Variants in PCDH11Y observed in about 807,000 individuals in gnomAD.
PCDH11Y encodes the protein protocadherin 11 Y-linked.
For synonymous variants in PCDH11Y, 9 were observed against 83.6 expected, an observed-to-expected ratio of 0.11 and a Z score of 4.87; for missense variants, 12 against 224.8, an observed-to-expected ratio of 0.05 and a Z score of 6.05.
rs2124711604 is a variant in PCDH11Y at position 5,698,821 on chromosome Y, G to T, written c.3353-38451G>T. On this transcript the variant is annotated intron_variant, in intron 4 of 4. Coordinates refer to the PCDH11Y transcript ENST00000400457. ...TCTGAAACCTACTTCTGTCAGTTCA[G>T]CCATCTCAGCCTCAGTCCAGTTCTG... 9.0e-5 allele frequency among the ~76,000 whole-genome samples: 3 copies of T among 33,480 alleles called. No homozygotes were observed. In the South Asian group the frequency reaches 2.0e-3, roughly 22 times the overall value. The allele number at this position is 33,480 out of a possible 37,273, so 89.8% of individuals were successfully genotyped here.
At chrY:5,137,085 G>A in intron 2 of PCDH11Y, among the ~76,000 whole-genome samples, 3 of 32,161 alleles carry the variant, frequency 9.3e-5, no homozygotes. Flanking sequence ...AAAAGCATCA[G>A]ATCACCTATA....
intron 2 of PCDH11Y, among the ~76,000 whole-genome samples, chrY:5,143,306 T>G: frequency 1.2e-4 from 4 of 33,686 alleles, no homozygotes; most frequent in Non-Finnish European, 3.0e-4. Context: ...AAATGAAGTT[T>G]AGGTTTGATA....
At chrY:5,016,377 A>G in intron 1 of PCDH11Y, among the ~76,000 whole-genome samples, 2 of 31,980 alleles carry the variant, frequency 6.3e-5, no homozygotes, top group South Asian at 1.4e-3. Context: ...CTTTCACCAC[A>G]GTAAAAGGGC....
At chrY:5,322,744 A>T in intron 2 of PCDH11Y, among the ~76,000 whole-genome samples, 1 of 32,668 alleles carries the variant, frequency 3.1e-5, no homozygotes, top group Non-Finnish European at 7.4e-5. Context: ...TTCTTGCACC[A>T]ATGTTTCCTG....
chrY:5,305,936 G>T, intron 2 of PCDH11Y, among the ~76,000 whole-genome samples: 1 of 31,472 alleles, frequency 3.2e-5, no homozygotes, highest in South Asian at 7.4e-4. Context: ...ATGAAAACAT[G>T]TGTCTCATGC....
intron 2 of PCDH11Y, among the ~76,000 whole-genome samples, chrY:5,459,936 C>T: frequency 3.1e-5 from 1 of 32,308 alleles, no homozygotes; most frequent in Non-Finnish European, 7.7e-5. Flanking sequence ...AATATGAAAA[C>T]ACAGGAGACA....
intron 2 of PCDH11Y, among the ~76,000 whole-genome samples, chrY:5,426,718 G>A: frequency 3.1e-5 from 1 of 32,204 alleles, no homozygotes; most frequent in Non-Finnish European, 7.7e-5. Flanking sequence ...TGGTTCCCGT[G>A]GGAAAAAGGT....
chrY:5,365,340 G>A (rs1409631368), intron 2 of PCDH11Y, among the ~76,000 whole-genome samples: 2 of 32,705 alleles, frequency 6.1e-5, no homozygotes, highest in Admixed American at 2.9e-4. Context: ...GTAAAGACTC[G>A]TTGCTCAAAA....
At chrY:5,321,440 A>G in intron 2 of PCDH11Y, among the ~76,000 whole-genome samples, 2 of 32,924 alleles carry the variant, frequency 6.1e-5, no homozygotes, top group Admixed American at 2.8e-4. Context: ...ATACATACAC[A>G]TTGTATAAAA....
chrY:5,625,597 C>T, intron 4 of PCDH11Y, among the ~76,000 whole-genome samples: 1 of 25,683 alleles, frequency 3.9e-5, no homozygotes. Flanking sequence ...ATGTAAGTTC[C>T]TTCAATGCCT....
intron 4 of PCDH11Y, among the ~76,000 whole-genome samples, chrY:5,684,233 C>A: frequency 3.1e-5 from 1 of 32,722 alleles, no homozygotes; most frequent in Non-Finnish European, 7.6e-5. Flanking sequence ...CACTGATTAT[C>A]AGAGAAACAC....
chrY:5,149,267 T>C (rs2052861148), intron 2 of PCDH11Y, among the ~76,000 whole-genome samples: 1 of 32,683 alleles, frequency 3.1e-5, no homozygotes, highest in African/African-American at 1.2e-4. Flanking sequence ...ACTCTCAAGA[T>C]TGAGAAAATA....
chrY:5,519,693 C>G, intron 3 of PCDH11Y, among the ~76,000 whole-genome samples: 1 of 31,640 alleles, frequency 3.2e-5, no homozygotes, highest in Non-Finnish European at 7.6e-5. Context: ...CTAAAACAGA[C>G]AATGCTGCAA....
At chrY:5,407,139 A>G in intron 2 of PCDH11Y, among the ~76,000 whole-genome samples, 1 of 32,125 alleles carries the variant, frequency 3.1e-5, no homozygotes, top group African/African-American at 1.2e-4. Flanking sequence ...CAATTTGTTG[A>G]CCTTAACGAA....
intron 4 of PCDH11Y, among the ~76,000 whole-genome samples, chrY:5,718,419 T>C (rs2053591797): frequency 6.2e-5 from 2 of 32,373 alleles, no homozygotes; most frequent in Non-Finnish European, 1.5e-4. Flanking sequence ...ATAATCCCCA[T>C]GTGTTGTGGG....
At chrY:5,173,490 G>A (rs2124645887) in intron 2 of PCDH11Y, among the ~76,000 whole-genome samples, 1 of 32,287 alleles carries the variant, frequency 3.1e-5, no homozygotes, top group Non-Finnish European at 7.6e-5. Context: ...GGAGTGATCA[G>A]GAGAAGTGGG....
At chrY:5,042,993 G>A (rs2052617228) in intron 3 of PCDH11Y, among the ~76,000 whole-genome samples, 1 of 32,527 alleles carries the variant, frequency 3.1e-5, no homozygotes, top group Admixed American at 2.9e-4. Flanking sequence ...TTGTTTATCA[G>A]CTGAAGGAGA....
chrY:5,597,437 T>C, intron 4 of PCDH11Y, among the ~76,000 whole-genome samples: 1 of 27,751 alleles, frequency 3.6e-5, no homozygotes, highest in African/African-American at 1.4e-4. Context: ...ATGGTACATC[T>C]ACTTTTAGTT....
intron 4 of PCDH11Y, among the ~76,000 whole-genome samples, chrY:5,679,028 G>C: frequency 1.5e-4 from 5 of 32,373 alleles, no homozygotes; most frequent in Non-Finnish European, 3.8e-4. Flanking sequence ...AAACCGAATT[G>C]CTCGGGGTTT....
Sources: allele counts gnomAD v4.1 joint callset (sites outside exome capture counted in the v4.1 genomes callset), GRCh38; gene constraint gnomAD v4.1.1; transcripts MANE v1.5; gene names NCBI Gene and HGNC (gene_info 2026-07-23, HGNC 2026-07-21).